CNTNAP3: variants seen among roughly 807,000 people sequenced by gnomAD.
CNTNAP3 encodes the protein contactin associated protein family member 3.
Under a neutral mutation model 92.1 loss-of-function variants are expected in CNTNAP3, and 36 were observed. The observed-to-expected ratio is 0.39, with a 90% confidence interval of 0.30 to 0.52. The LOEUF is 0.52. Among genes scored for constraint, CNTNAP3 ranks in the 20% least tolerant of loss-of-function variants. The probability of loss-of-function intolerance (pLI) is 0.76; values close to 1 mark genes in which losing one functional copy is unlikely to be tolerated. For synonymous variants in CNTNAP3, 232 were observed against 422.3 expected, an observed-to-expected ratio of 0.55 and a Z score of 5.53; for missense variants, 534 against 1,069.6, an observed-to-expected ratio of 0.50 and a Z score of 6.98.
rs1319162086 is a variant in CNTNAP3, at chr9:39,144,360, G to C, written c.1650-14C>G. Reference sequence around the variant, plus strand: ...CTGGGCAAGCACCTAAAAGAAAACAGATACAACTGCTGTTTCCCTTTTTCA... The same window carrying C: ...CTGGGCAAGCACCTAAAAGAAAACACATACAACTGCTGTTTCCCTTTTTCA... On this transcript the variant is annotated splice_polypyrimidine_tract_variant and intron_variant, in intron 10 of 23. Coordinates refer to ENST00000297668, the MANE Select transcript of CNTNAP3 (RefSeq NM_033655.5). The C allele has an allele frequency of 6.6e-7, 1 of 1,507,550 alleles. No homozygotes were observed. The highest frequency in any genetic ancestry group is 8.9e-7 in the Non-Finnish European group (1 of 1,129,910). 93.4% of individuals were successfully genotyped at this position (1,507,550 alleles called of 1,614,324 possible). A position where few individuals can be genotyped will look rare whatever the true frequency, so the allele number is the denominator to read the frequency against.
chr9:39,066,478 A>G lies in CNTNAP3; in HGVS notation c.*7412T>C, dbSNP rs1029335826. 2.4e-4 allele frequency among the ~76,000 whole-genome samples: 36 copies of G among 152,252 alleles called. No homozygotes were observed. Among genetic ancestry groups the G allele is most frequent in the African/African-American group, 8.2e-4 (34 of 41,550 alleles). Reference sequence around the variant, plus strand: ...TGGATCCATGTTTCTATCTGCACAAAGATATTATTCTTTATTTTCCTTCTT... The same window carrying G: ...TGGATCCATGTTTCTATCTGCACAAGGATATTATTCTTTATTTTCCTTCTT... On this transcript the variant is annotated 3_prime_UTR_variant, in exon 24 of 24. Coordinates refer to ENST00000297668, the MANE Select transcript of CNTNAP3 (RefSeq NM_033655.5).
chr9:39,083,488 G>A (rs1222423127), intron 21 of CNTNAP3, among the ~76,000 whole-genome samples: 4 of 151,920 alleles, frequency 2.6e-5, no homozygotes, highest in East Asian at 1.9e-4. Flanking sequence ...ATGAAACCCC[G>A]TCTCTACTAA....
At chr9:39,078,166 C>A (rs12378962) in intron 23 of CNTNAP3, 135,095 of 968,156 alleles carry the variant, frequency 0.14, 179 homozygotes, top group East Asian at 0.28. Context: ...GAGATCTCAC[C>A]ACTGCACTCC....
chr9:39,120,606 C>T (rs1348248584), intron 13 of CNTNAP3, among the ~76,000 whole-genome samples: 2 of 152,078 alleles, frequency 1.3e-5, no homozygotes, highest in African/African-American at 2.4e-5. Context: ...GGAGGCGGAG[C>T]TTGCAGTGAG....
intron 11 of CNTNAP3, among the ~76,000 whole-genome samples, chr9:39,141,581 C>T (rs5026998): frequency 6.6e-5 from 10 of 152,188 alleles, no homozygotes; most frequent in African/African-American, 2.4e-4. Context: ...TTTGTGCAAG[C>T]AAATGTTTTA....
chr9:39,140,775 A>G, intron 11 of CNTNAP3, 137 bp from the exon 12 acceptor site: 2 of 1,253,528 alleles, frequency 1.6e-6, no homozygotes, highest in Non-Finnish European at 2.0e-6. Flanking sequence ...ATGACAGTAT[A>G]TTTGATGAGA....
chr9:39,116,566 G>A (rs1363719750), intron 14 of CNTNAP3, among the ~76,000 whole-genome samples: 2 of 152,138 alleles, frequency 1.3e-5, no homozygotes, highest in Non-Finnish European at 2.9e-5. Context: ...ACTTACTGGT[G>A]GTCAGATTTG....
Position 39,068,267 on chromosome 9 carries a change from T to G in CNTNAP3, c.*5623A>C, listed in dbSNP as rs1825555410. On this transcript the variant is annotated 3_prime_UTR_variant, in exon 24 of 24. Coordinates refer to ENST00000297668, the MANE Select transcript of CNTNAP3 (RefSeq NM_033655.5). ...ACAAAAAAAAAAAAAAAAAAAAAAA[T>G]TAGCTGGGCATGTTGGCTTGTGCCT... is the stretch of plus-strand genomic sequence containing the variant. Among the ~76,000 whole-genome samples the G allele has an allele frequency of 1.1e-5, 1 of 91,246 alleles. No homozygotes were observed. Among genetic ancestry groups the G allele is most frequent in the Non-Finnish European group, 2.3e-5 (1 of 44,280 alleles). The allele number at this position is 91,246 out of a possible 152,430, so 59.9% of individuals were successfully genotyped here.
In CNTNAP3 at chr9:39,133,002, C is replaced by T. The variant is rs746921118; in HGVS notation, c.2010G>A (p.Val670=). ...GCTGCTCGCAGCGCTCCGCCAGGTT[C>T]ACCGCGGACCGCAGCTGCCCCGCGC... ...AAGAGQLRSA[V]NLAERCEQRL... The change falls in exon 13 of 24, where the codon GTG becomes GTA. Residue 670 remains valine (V), a synonymous_variant. Transcript: ENST00000297668. The T allele has an allele frequency of 1.9e-6, 3 of 1,539,524 alleles. No individual in the cohort carries two copies. In the African/African-American group the frequency reaches 4.1e-5, roughly 21 times the overall value.
In CNTNAP3 at chr9:39,143,970, A is replaced by G. The variant is rs551075270; in HGVS notation, c.1756+270T>C. On this transcript the variant is annotated intron_variant, in intron 11 of 23. Transcript: ENST00000297668. ...GCATTTTTAATTTAATTTAGTTTCT[A>G]CCTTTTACTATATCTGATTCTCCTA... Among the ~76,000 whole-genome samples the G allele has an allele frequency of 2.0e-5, 3 of 152,258 alleles. No individual in the cohort carries two copies. In the South Asian group the frequency reaches 6.2e-4, roughly 32 times the overall value.
intron 13 of CNTNAP3, among the ~76,000 whole-genome samples, chr9:39,130,674 T>C (rs1821265586): frequency 1.3e-5 from 2 of 152,022 alleles, no homozygotes; most frequent in Non-Finnish European, 2.9e-5. Context: ...CTGGCTACTT[T>C]TTTGTATTTT....
chr9:39,138,977 G>A (rs1352960715), intron 12 of CNTNAP3, among the ~76,000 whole-genome samples: 1 of 152,122 alleles, frequency 6.6e-6, no homozygotes, highest in Non-Finnish European at 1.5e-5. Flanking sequence ...AAGCTCTGAA[G>A]CAACTGCTTT....
intron 9 of CNTNAP3, among the ~76,000 whole-genome samples, chr9:39,153,559 TTCTC>T (rs756247272): frequency 5.3e-5 from 1 of 18,802 alleles, no homozygotes; most frequent in Non-Finnish European, 1.1e-4. Flanking sequence ...TTCTCTTTCT[TTCTC>T]TCTCTCTCTC....
chr9:39,100,224 C>T, intron 17 of CNTNAP3, 74 bp from the exon 18 acceptor site: 2 of 1,442,902 alleles, frequency 1.4e-6, no homozygotes, highest in East Asian at 2.4e-5. Context: ...ATGTCAAACT[C>T]AGGCCTTATG....
rs1444140091 is a variant in CNTNAP3 at position 39,069,494 on chromosome 9, A to C, written c.*4396T>G. Among the ~76,000 whole-genome samples the C allele has an allele frequency of 2.5e-4, 38 of 152,130 alleles. No homozygotes were observed. The highest frequency in any genetic ancestry group is 9.0e-4 in the African/African-American group (37 of 41,318). On this transcript the variant is annotated 3_prime_UTR_variant, in exon 24 of 24. Coordinates refer to ENST00000297668, the MANE Select transcript of CNTNAP3 (RefSeq NM_033655.5). ...TTTTAAACATTTTTATTCACAGAGC[A>C]AATGCAACCATGTGAACCTCACATT...
At chr9:39,095,124 C>A (rs1433486349) in intron 18 of CNTNAP3, among the ~76,000 whole-genome samples, 1 of 151,570 alleles carries the variant, frequency 6.6e-6, no homozygotes, top group East Asian at 1.9e-4. Flanking sequence ...TCCTTAATCT[C>A]ACTTTCAGAT....
chr9:39,112,475 C>T (rs185834439), intron 14 of CNTNAP3, among the ~76,000 whole-genome samples: 9 of 152,258 alleles, frequency 5.9e-5, no homozygotes, highest in Admixed American at 5.9e-4. Context: ...AAGCAATTCT[C>T]CTGCCTCAGC....
rs1821592234 is a variant in CNTNAP3 at position 39,142,173 on chromosome 9, AT to A, written c.1757-1536del. ...ATATAACTCATTGATTAATTGCAAC[AT>A]TAAATGCAATCAGATGATGCTGAGT... On this transcript the variant is annotated intron_variant, in intron 11 of 23. Coordinates refer to ENST00000297668, the MANE Select transcript of CNTNAP3 (RefSeq NM_033655.5). Among the ~76,000 whole-genome samples, 4 of 152,338 alleles carry A rather than the reference AT, an allele frequency of 2.6e-5. No individual in the cohort carries two copies. The South Asian group carries it at 8.3e-4, about 32-fold the overall frequency.
At chr9:39,149,203 A>G (rs1324835793) in intron 10 of CNTNAP3, among the ~76,000 whole-genome samples, 1 of 152,128 alleles carries the variant, frequency 6.6e-6, no homozygotes, top group Non-Finnish European at 1.5e-5. Flanking sequence ...CATCCAACTG[A>G]TGGGTGTGGG....
Sources: gnomAD v4.1 joint callset for allele counts (sites outside exome capture counted in the v4.1 genomes callset) on GRCh38, gnomAD v4.1.1 for gene constraint, MANE v1.5 for transcripts, NCBI Gene and HGNC (gene_info 2026-07-23, HGNC 2026-07-21) for gene names.